Variants in GPR107 observed in about 807,000 individuals in gnomAD.
GPR107 encodes protein GPR107.
Under a neutral mutation model 75.5 loss-of-function variants are expected in GPR107, and 31 were observed. That is an observed-to-expected ratio of 0.41 (90% CI 0.31 to 0.55). The LOEUF is 0.55. Among genes scored for constraint, GPR107 ranks in the 20% least tolerant of loss-of-function variants. GPR107 has a pLI of 0.26. For missense variants in GPR107, 572 were observed against 665.7 expected, an observed-to-expected ratio of 0.86 and a Z score of 1.55; for synonymous variants, 267 against 251.3, an observed-to-expected ratio of 1.06 and a Z score of -0.59.
chr9:130,107,502 C>T lies in GPR107; in HGVS notation c.1269C>T (p.Ile423=). 1 of 1,584,110 alleles carries T rather than the reference C, an allele frequency of 6.3e-7. No homozygotes were observed. Among genetic ancestry groups the T allele is most frequent in the Non-Finnish European group, 8.7e-7 (1 of 1,152,504 alleles). Residue 423 remains isoleucine, a synonymous_variant, in exon 14 of 18, where the codon ATC becomes ATT. Transcript: ENST00000347136. Reference sequence around the variant, plus strand: ...TCTAAATGTTTATTTTTAGGTCAATCAGACATTTACAAGAAGCATCAGCAA... The same window carrying T: ...TCTAAATGTTTATTTTTAGGTCAATTAGACATTTACAAGAAGCATCAGCAA... ...GAILFPVVWS[I]RHLQEASATD... is the part of the protein sequence containing the mutation.
At chr9:130,081,300 G>A (rs909486809) in intron 5 of GPR107, among the ~76,000 whole-genome samples, 1 of 152,166 alleles carries the variant, frequency 6.6e-6, no homozygotes, top group Non-Finnish European at 1.5e-5. Flanking sequence ...CACTTTGAGA[G>A]GCCAAGGCGG....
chr9:130,128,618 G>T (rs764680236), intron 16 of GPR107, 22 bp from the exon 17 acceptor site: 7 of 1,598,000 alleles, frequency 4.4e-6, no homozygotes, highest in Non-Finnish European at 5.1e-6. Flanking sequence ...TCTTTATTTT[G>T]GGGTGGTTTT....
intron 14 of GPR107, among the ~76,000 whole-genome samples, chr9:130,116,869 T>C (rs1260648410): frequency 6.6e-6 from 1 of 152,218 alleles, no homozygotes; most frequent in Non-Finnish European, 1.5e-5. Context: ...TTTACAATAA[T>C]ATGCACAGTC....
intron 9 of GPR107, among the ~76,000 whole-genome samples, chr9:130,097,032 C>T (rs1194942634): frequency 6.6e-6 from 1 of 152,218 alleles, no homozygotes; most frequent in Non-Finnish European, 1.5e-5. Flanking sequence ...GCTACCTCAG[C>T]CAGTGCTGGC....
At chr9:130,092,470 A>G (rs1456859941) in intron 9 of GPR107, 89 bp downstream of exon 9, 6 of 1,054,460 alleles carry the variant, frequency 5.7e-6, no homozygotes, top group Admixed American at 5.2e-5. Flanking sequence ...GGCAGTTGTC[A>G]CTTAGCAGTG....
At chr9:130,088,828 C>T (rs940858853) in intron 7 of GPR107, among the ~76,000 whole-genome samples, 3 of 152,146 alleles carry the variant, frequency 2.0e-5, no homozygotes, top group African/African-American at 7.2e-5. Context: ...GCACTTTTCT[C>T]TCTTCCTTCT....
At position 130,115,024 on chromosome 9, in the gene GPR107, A is replaced by G. The variant is rs144829474; in HGVS notation, c.1306+7485A>G. On this transcript the variant is annotated intron_variant, in intron 14 of 17. Coordinates refer to ENST00000347136, the MANE Select transcript of GPR107 (RefSeq NM_020960.5). ...TATAAACAGACCTAACAAAAAACCT[A>G]CTAGGGAAGACAAGAGGAGAAATAA... 3.0e-3 allele frequency among the ~76,000 whole-genome samples: 464 copies of G among 152,372 alleles called. 4 individuals are homozygous for G. Among genetic ancestry groups the G allele is most frequent in the African/African-American group, 0.01 (430 of 41,596 alleles).
At chr9:130,058,159 C>A (rs1445568746) in intron 1 of GPR107, among the ~76,000 whole-genome samples, 1 of 151,864 alleles carries the variant, frequency 6.6e-6, no homozygotes, top group East Asian at 1.9e-4. Flanking sequence ...TTTTTAAAGA[C>A]CTGTCAGCAG....
intron 14 of GPR107, among the ~76,000 whole-genome samples, chr9:130,120,319 G>A (rs543898162): frequency 6.6e-6 from 1 of 152,148 alleles, no homozygotes; most frequent in Admixed American, 6.5e-5. Flanking sequence ...CCCTTCAGAG[G>A]GTGTCTTGCC....
chr9:130,111,201 T>C (rs1185726693), intron 14 of GPR107, among the ~76,000 whole-genome samples: 1 of 151,978 alleles, frequency 6.6e-6, no homozygotes, highest in Non-Finnish European at 1.5e-5. Flanking sequence ...CATGGTGGCT[T>C]AGGCCTGTAA....
At chr9:130,106,162 G>C (rs1037494574) in intron 13 of GPR107, among the ~76,000 whole-genome samples, 2 of 152,152 alleles carry the variant, frequency 1.3e-5, no homozygotes, top group African/African-American at 4.8e-5. Flanking sequence ...AGCTGTCGAG[G>C]TGTAAGCAGC....
At chr9:130,080,881 G>T (rs1456525623) in intron 5 of GPR107, among the ~76,000 whole-genome samples, 1 of 151,322 alleles carries the variant, frequency 6.6e-6, no homozygotes, top group Non-Finnish European at 1.5e-5. Context: ...TTTATTAACT[G>T]TCAGGTTCAT....
At chr9:130,119,816 CTGTT>C (rs568969373) in intron 14 of GPR107, among the ~76,000 whole-genome samples, 4,193 of 92,276 alleles carry the variant, frequency 0.045, 114 homozygotes, top group Non-Finnish European at 0.051. Flanking sequence ...TATTTTTAGT[CTGTT>C]TTTTTTGTTT....
At chr9:130,077,215 C>T (rs558056162) in intron 3 of GPR107, 84 bp from the exon 4 acceptor site, 23 of 794,888 alleles carry the variant, frequency 2.9e-5, no homozygotes, top group Admixed American at 1.2e-4. Flanking sequence ...GTTTGAGCCA[C>T]GTATTTGCTA....
intron 17 of GPR107, chr9:130,130,103 T>G (rs1472253927): frequency 6.6e-6 from 1 of 152,224 alleles, no homozygotes; most frequent in Admixed American, 6.5e-5. Context: ...CTGACACAGC[T>G]TCTCTCTCTG....
At chr9:130,100,503 T>A in intron 10 of GPR107, 126 bp from the exon 11 acceptor site, 1 of 730,440 alleles carries the variant, frequency 1.4e-6, no homozygotes, top group African/African-American at 1.7e-5. Context: ...GGCAATAATA[T>A]ATCCAGTGGC....
At chr9:130,097,741 C>T (rs1589509892) in intron 9 of GPR107, among the ~76,000 whole-genome samples, 1 of 146,310 alleles carries the variant, frequency 6.8e-6, no homozygotes, top group African/African-American at 2.5e-5. Flanking sequence ...CAGGGTCTCA[C>T]TAAGTTGTCC....
intron 5 of GPR107, among the ~76,000 whole-genome samples, chr9:130,081,813 G>A (rs562796877): frequency 6.6e-5 from 10 of 151,458 alleles, no homozygotes; most frequent in African/African-American, 1.9e-4. Context: ...CCGAGATTGC[G>A]CCACTGCACT....
chr9:130,071,873 C>T (rs938698235), intron 1 of GPR107, among the ~76,000 whole-genome samples: 4 of 151,846 alleles, frequency 2.6e-5, no homozygotes, highest in African/African-American at 7.3e-5. Context: ...TTAGTAGAGA[C>T]GGGGTTTCAC....
Sources: gnomAD v4.1 joint callset for allele counts (sites outside exome capture counted in the v4.1 genomes callset) on GRCh38, gnomAD v4.1.1 for gene constraint, MANE v1.5 for transcripts, NCBI Gene and HGNC (gene_info 2026-07-23, HGNC 2026-07-21) for gene names.